Variants in THSD7A observed in about 807,000 individuals in gnomAD.
THSD7A encodes thrombospondin type 1 domain containing 7A, also known as thrombospondin type-1 domain-containing protein 7A.
A neutral mutation model predicts 231.3 loss-of-function variants in THSD7A; 96 were observed. The observed-to-expected ratio is 0.41, with a 90% CI of 0.35 to 0.49. The LOEUF (loss-of-function observed/expected upper bound fraction) is 0.49, where lower values mean the gene tolerates loss of function less well. Among genes scored for constraint, THSD7A ranks in the 20% least tolerant of loss-of-function variants. THSD7A has a pLI of 0.05. For synonymous variants in THSD7A, 940 were observed against 743.3 expected (o/e 1.26, Z -4.30); for missense variants, 2,290 against 2,070.2 (o/e 1.11, Z -2.06).
At chr7:11,502,653 T>C (rs1002680661) in intron 6 of THSD7A, among the ~76,000 whole-genome samples, 2 of 152,082 alleles carry the variant, frequency 1.3e-5, no homozygotes, top group Non-Finnish European at 2.9e-5. Flanking sequence ...AGCATTCCTA[T>C]ACACCATCAA....
At chr7:11,813,209 A>G (rs1399240029) in intron 1 of THSD7A, among the ~76,000 whole-genome samples, 1 of 152,192 alleles carries the variant, frequency 6.6e-6, no homozygotes, top group Admixed American at 6.5e-5. Context: ...CGATCAGATT[A>G]AAAACTTGTT....
At chr7:11,750,801 T>C (rs2128164689) in intron 1 of THSD7A, among the ~76,000 whole-genome samples, 1 of 152,120 alleles carries the variant, frequency 6.6e-6, no homozygotes, top group Admixed American at 6.6e-5. Context: ...GCATCCCTTT[T>C]GGGCTGATAG....
intron 2 of THSD7A, among the ~76,000 whole-genome samples, chr7:11,620,326 C>A (rs762025600): frequency 6.6e-6 from 1 of 152,044 alleles, no homozygotes; most frequent in Non-Finnish European, 1.5e-5. Flanking sequence ...TACTGATACA[C>A]CTGTGGCATT....
At chr7:11,763,819 T>TA (rs1337244153) in intron 1 of THSD7A, among the ~76,000 whole-genome samples, 1 of 152,192 alleles carries the variant, frequency 6.6e-6, no homozygotes, top group African/African-American at 2.4e-5. Flanking sequence ...TTATTGCTCA[T>TA]TTCCTCAGGA....
At chr7:11,800,115 C>T (rs1339551580) in intron 1 of THSD7A, among the ~76,000 whole-genome samples, 1 of 152,100 alleles carries the variant, frequency 6.6e-6, no homozygotes, top group East Asian at 1.9e-4. Context: ...GGAGAGGAGT[C>T]GAGCACTTGA....
At chr7:11,700,158 C>T (rs1444014833) in intron 1 of THSD7A, among the ~76,000 whole-genome samples, 2 of 151,246 alleles carry the variant, frequency 1.3e-5, no homozygotes, top group African/African-American at 2.4e-5. Flanking sequence ...AGCTACGGGA[C>T]TTTATCTGCA....
intron 8 of THSD7A, among the ~76,000 whole-genome samples, chr7:11,470,732 G>A (rs775167909): frequency 2.0e-5 from 3 of 151,632 alleles, no homozygotes; most frequent in Non-Finnish European, 4.4e-5. Flanking sequence ...AATAAAGATA[G>A]TAAATCAGTA....
intron 1 of THSD7A, among the ~76,000 whole-genome samples, chr7:11,655,113 C>T (rs1179462934): frequency 6.6e-6 from 1 of 151,780 alleles, no homozygotes; most frequent in Non-Finnish European, 1.5e-5. Flanking sequence ...GTCTCTCATT[C>T]AACATTAGGA....
At chr7:11,673,753 C>T (rs1783513781) in intron 1 of THSD7A, among the ~76,000 whole-genome samples, 1 of 152,160 alleles carries the variant, frequency 6.6e-6, no homozygotes, top group African/African-American at 2.4e-5. Flanking sequence ...AAGGCTTCTC[C>T]TCCAGGAGTC....
At position 11,637,987 on chromosome 7, in the gene THSD7A, T is replaced by C. The variant is rs544773652; in HGVS notation, c.191-1026A>G. ...AAAAGTATTCCATGAATTTGAGAAA[T>C]TGTTTGATGTGCCTTAAAGCCATTT... On this transcript the variant is annotated intron_variant, in intron 1 of 27. Transcript: ENST00000423059. The surrounding 1 kb of genome is among the most constrained non-coding windows in gnomAD (Gnocchi z 4.2). Among the ~76,000 whole-genome samples the C allele has an allele frequency of 2.7e-5, 3 of 110,460 alleles. No individual in the cohort carries two copies. In the East Asian group the frequency reaches 8.5e-4, roughly 31 times the overall value. The allele number at this position is 110,460 out of a possible 152,430, so 72.5% of individuals were successfully genotyped here. A position where few individuals can be genotyped will look rare whatever the true frequency, so the allele number is the denominator to read the frequency against.
intron 1 of THSD7A, among the ~76,000 whole-genome samples, chr7:11,818,090 T>A (rs1411116067): frequency 6.6e-6 from 1 of 152,176 alleles, no homozygotes; most frequent in East Asian, 1.9e-4. Flanking sequence ...AATCAAATAG[T>A]CACCATTTGT....
chr7:11,675,014 C>T (rs1266300717), intron 1 of THSD7A, among the ~76,000 whole-genome samples: 1 of 152,094 alleles, frequency 6.6e-6, no homozygotes, highest in Non-Finnish European at 1.5e-5. Flanking sequence ...TCTGCTGCTC[C>T]CAGAGAGACC....
chr7:11,504,926 C>A (rs114208948), intron 6 of THSD7A, among the ~76,000 whole-genome samples: 11 of 151,622 alleles, frequency 7.3e-5, no homozygotes, highest in Admixed American at 5.3e-4. Context: ...TTAAGGTAAA[C>A]AATCCAAAAC....
chr7:11,482,869 A>C (rs774614759), intron 6 of THSD7A, among the ~76,000 whole-genome samples: 33 of 152,238 alleles, frequency 2.2e-4, no homozygotes, highest in Non-Finnish European at 4.1e-4. Flanking sequence ...AATGAGAAAC[A>C]AAACATTGTT....
chr7:11,383,023 G>A (rs898486801), intron 23 of THSD7A, among the ~76,000 whole-genome samples: 3 of 151,170 alleles, frequency 2.0e-5, no homozygotes, highest in Non-Finnish European at 4.4e-5. Flanking sequence ...TAAAACATGA[G>A]ATATATAATT....
At chr7:11,714,494 T>A (rs1781071092) in intron 1 of THSD7A, among the ~76,000 whole-genome samples, 1 of 151,268 alleles carries the variant, frequency 6.6e-6, no homozygotes, top group Non-Finnish European at 1.5e-5. Context: ...GCTCTTGTAA[T>A]AATATTTTGA....
chr7:11,651,486 A>AT (rs1554260045), intron 1 of THSD7A, among the ~76,000 whole-genome samples: 3 of 149,666 alleles, frequency 2.0e-5, no homozygotes, highest in African/African-American at 4.9e-5. Context: ...CTATCTATCA[A>AT]CTATCTATCT....
At chr7:11,648,570 C>G (rs73292657) in intron 1 of THSD7A, among the ~76,000 whole-genome samples, 15,535 of 151,310 alleles carry the variant, frequency 0.1, 1,008 homozygotes, top group Non-Finnish European at 0.15. Context: ...CAACTCCAGC[C>G]AAAAAGTTAG....
intron 2 of THSD7A, among the ~76,000 whole-genome samples, chr7:11,598,549 A>T (rs1486060258): frequency 6.6e-6 from 1 of 152,222 alleles, no homozygotes; most frequent in African/African-American, 2.4e-5. Flanking sequence ...GCCACTGCTA[A>T]GTGCCCAATT....
Sources: gnomAD v4.1 joint callset for allele counts (sites outside exome capture counted in the v4.1 genomes callset) on GRCh38, gnomAD v4.1.1 for gene constraint, Gnocchi (gnomAD v3.1) non-coding constraint, MANE v1.5 for transcripts, NCBI Gene and HGNC (gene_info 2026-07-23, HGNC 2026-07-21) for gene names.